Variants in SPOPL observed in about 807,000 individuals in gnomAD.
The protein encoded by SPOPL is speckle-type POZ protein-like.
A neutral mutation model predicts 53.8 loss-of-function variants in SPOPL; 23 were observed. That is an observed-to-expected ratio of 0.43 (90% CI 0.31 to 0.61). The LOEUF is 0.61. Among genes scored for constraint, SPOPL ranks in the 20% least tolerant of loss-of-function variants. The pLI is 0.12. For synonymous variants in SPOPL, 164 were observed against 149.7 expected, an observed-to-expected ratio of 1.10 and a Z score of -0.70; for missense variants, 442 against 466.9, an observed-to-expected ratio of 0.95 and a Z score of 0.49.
At chr2:138,508,584 G>A (rs1042271090) in intron 1 of SPOPL, among the ~76,000 whole-genome samples, 3 of 152,104 alleles carry the variant, frequency 2.0e-5, no homozygotes, top group African/African-American at 7.2e-5. Context: ...TCCCACCTCA[G>A]CCTCCCAAAG....
At position 138,551,063 on chromosome 2, in the gene SPOPL, T is replaced by C; in HGVS notation, c.352+9T>C. On this transcript the variant is annotated intron_variant, in intron 4 of 10. Transcript: ENST00000280098. ...AGAAACAAAAGCAATGGGTAAGTGA[T>C]TTGCAAACTAAGTGAAGACATTTCT... 6.2e-7 allele frequency: 1 copy of C among 1,612,146 alleles called. No homozygotes were observed. The highest frequency in any genetic ancestry group is 8.5e-7 in the Non-Finnish European group (1 of 1,179,062).
chr2:138,556,507 C>CAAAT (rs1235904304), intron 5 of SPOPL, among the ~76,000 whole-genome samples: 1 of 152,114 alleles, frequency 6.6e-6, no homozygotes. Context: ...TTGATATGAA[C>CAAAT]AAATAAATGC....
intron 1 of SPOPL, among the ~76,000 whole-genome samples, chr2:138,543,366 G>T (rs1162244682): frequency 6.6e-6 from 1 of 150,882 alleles, no homozygotes. Context: ...TCACTTTCAG[G>T]TACACCAATC....
intron 1 of SPOPL, among the ~76,000 whole-genome samples, chr2:138,548,013 A>G (rs1353819843): frequency 6.6e-6 from 1 of 152,110 alleles, no homozygotes; most frequent in African/African-American, 2.4e-5. Context: ...CACAGTTATA[A>G]TCATTTTCCT....
Position 138,572,621 on chromosome 2 carries a change from A to T in SPOPL, c.*3541A>T, listed in dbSNP as rs1026223153. The T allele has an allele frequency of 1.3e-5, 2 of 152,588 alleles. No individual in the cohort carries two copies. Among genetic ancestry groups the T allele is most frequent in the Non-Finnish European group, 2.9e-5 (2 of 68,006 alleles). 9.5% of individuals were successfully genotyped at this position (152,588 alleles called of 1,614,324 possible). On this transcript the variant is annotated 3_prime_UTR_variant, in exon 11 of 11. Transcript: ENST00000280098. Reference sequence around the variant, plus strand: ...AAATAAAAATATTCAATTTATTCTTACAAAAGAAGGTGGGTGGGTGAGTGG... The same window carrying T: ...AAATAAAAATATTCAATTTATTCTTTCAAAAGAAGGTGGGTGGGTGAGTGG...
chr2:138,543,035 C>A (rs1685109054), intron 1 of SPOPL, among the ~76,000 whole-genome samples: 1 of 152,276 alleles, frequency 6.6e-6, no homozygotes, highest in African/African-American at 2.4e-5. Context: ...GTTGAAAATT[C>A]TTTTCTTTAA....
chr2:138,564,858 A>G lies in SPOPL; in HGVS notation c.980+8A>G. On this transcript the variant is annotated splice_region_variant and intron_variant, in intron 9 of 10. Coordinates refer to ENST00000280098, the MANE Select transcript of SPOPL (RefSeq NM_001001664.3). ...CATAGACTTTATTAATAGGTAAGCT[A>G]TGCTTGTATTTCAGTGGGCATGACA... The G allele has an allele frequency of 1.2e-6, 2 of 1,614,036 alleles. No homozygotes were observed. The highest frequency in any genetic ancestry group is 1.7e-6 in the Non-Finnish European group (2 of 1,179,914).
intron 1 of SPOPL, among the ~76,000 whole-genome samples, chr2:138,503,228 G>T (rs1436331573): frequency 6.6e-6 from 1 of 152,180 alleles, no homozygotes; most frequent in Non-Finnish European, 1.5e-5. Flanking sequence ...GTATATAGTT[G>T]CCAGGGTGTA....
rs1196146493 is a variant in SPOPL at position 138,529,647 on chromosome 2, C to T, written c.-60-20510C>T. Among the ~76,000 whole-genome samples the T allele has an allele frequency of 2.6e-5, 4 of 152,088 alleles. No individual in the cohort carries two copies. In the East Asian group the frequency reaches 7.7e-4, roughly 29 times the overall value. ...TTGCTATATTTTAGGTTTATGTTTT[C>T]TACTTCTAAGTCTTTCAACTTTGTT... On this transcript the variant is annotated intron_variant, in intron 1 of 10. Transcript: ENST00000280098.
intron 1 of SPOPL, among the ~76,000 whole-genome samples, chr2:138,516,919 T>C (rs944919006): frequency 1.3e-5 from 2 of 152,256 alleles, no homozygotes; most frequent in African/African-American, 2.4e-5. Flanking sequence ...TCATAATCTT[T>C]GTTTCACCAG....
chr2:138,559,835 G>T (rs912212806), intron 7 of SPOPL, among the ~76,000 whole-genome samples: 3 of 152,174 alleles, frequency 2.0e-5, no homozygotes, highest in Admixed American at 2.0e-4. Context: ...GAGATCAGAG[G>T]TTGATTCTTT....
At chr2:138,518,930 T>TA (rs1684501367) in intron 1 of SPOPL, among the ~76,000 whole-genome samples, 1 of 152,376 alleles carries the variant, frequency 6.6e-6, no homozygotes, top group African/African-American at 2.4e-5. Context: ...TTTATATTGA[T>TA]ACTCATATGA....
intron 1 of SPOPL, among the ~76,000 whole-genome samples, chr2:138,537,898 C>G (rs1055794814): frequency 1.3e-5 from 2 of 152,140 alleles, no homozygotes; most frequent in African/African-American, 4.8e-5. Flanking sequence ...CCATGGAACT[C>G]CTCAAGTTGT....
At chr2:138,532,003 A>G (rs1052067560) in intron 1 of SPOPL, among the ~76,000 whole-genome samples, 1 of 152,158 alleles carries the variant, frequency 6.6e-6, no homozygotes, top group African/African-American at 2.4e-5. Context: ...TTTTAAGGCT[A>G]TTTGTACATT....
chr2:138,536,889 A>G (rs1315677141), intron 1 of SPOPL, among the ~76,000 whole-genome samples: 2 of 152,218 alleles, frequency 1.3e-5, no homozygotes, highest in African/African-American at 2.4e-5. Flanking sequence ...GGAAGGAACA[A>G]TGGTATTTCT....
At chr2:138,507,953 T>C (rs1684249747) in intron 1 of SPOPL, among the ~76,000 whole-genome samples, 1 of 152,222 alleles carries the variant, frequency 6.6e-6, no homozygotes, top group African/African-American at 2.4e-5. Flanking sequence ...CAGTGACTTA[T>C]TATGGAAGAA....
intron 10 of SPOPL, among the ~76,000 whole-genome samples, chr2:138,567,372 A>AGTGTGTGTGTGTGTGTGTGT (rs57208490): frequency 1.6e-4 from 18 of 113,036 alleles, no homozygotes; most frequent in South Asian, 3.5e-4. Flanking sequence ...AGAGCAGTAT[A>AGTGTGTGTGTGTGTGTGTGT]GTGTGTGTGT....
intron 1 of SPOPL, among the ~76,000 whole-genome samples, chr2:138,521,268 A>G (rs556687260): frequency 1.1e-4 from 16 of 152,238 alleles, no homozygotes; most frequent in African/African-American, 3.6e-4. Context: ...AGTTCTGTCT[A>G]TAGCCAGAAG....
intron 3 of SPOPL, 36 bp downstream of exon 3, chr2:138,550,640 G>A: frequency 6.3e-7 from 1 of 1,579,176 alleles, no homozygotes; most frequent in Non-Finnish European, 8.6e-7. Flanking sequence ...TTTGTTTTTT[G>A]TTTTTGATGT....
Sources: gnomAD v4.1 joint callset for allele counts (sites outside exome capture counted in the v4.1 genomes callset) on GRCh38, gnomAD v4.1.1 for gene constraint, MANE v1.5 for transcripts, NCBI Gene and HGNC (gene_info 2026-07-23, HGNC 2026-07-21) for gene names.